PRKDC: variants seen among roughly 807,000 people sequenced by gnomAD.
PRKDC encodes the protein DNA-dependent protein kinase catalytic subunit.
Under a neutral mutation model 486.9 loss-of-function variants are expected in PRKDC, and 82 were observed. That is an observed-to-expected ratio of 0.17 (90% CI 0.14 to 0.20). PRKDC has a LOEUF of 0.20. Among genes scored for constraint, PRKDC ranks in the 10% least tolerant of loss-of-function variants. PRKDC has a pLI of 1.00. For missense variants in PRKDC, 4,504 were observed against 5,038.2 expected (o/e 0.89, Z 3.21); for synonymous variants, 1,895 against 1,837.0 (o/e 1.03, Z -0.81).
At chr8:47,837,508 A>C (rs971269749) in intron 56 of PRKDC, 89 bp from the exon 57 acceptor site, 3 of 992,480 alleles carry the variant, frequency 3.0e-6, no homozygotes, top group Non-Finnish European at 4.5e-6. Context: ...GAGAAGGCAC[A>C]GCTCTTCACC....
chr8:47,885,614 C>G (rs541782509), intron 36 of PRKDC, among the ~76,000 whole-genome samples: 1 of 151,248 alleles, frequency 6.6e-6, no homozygotes, highest in East Asian at 2.0e-4. Flanking sequence ...AAATATTGAC[C>G]GGGTGCAGTG....
At chr8:47,821,063 T>C (rs1351028752) in intron 65 of PRKDC, 120 bp from the exon 66 acceptor site, 3 of 588,574 alleles carry the variant, frequency 5.1e-6, no homozygotes, top group Admixed American at 7.3e-5. Flanking sequence ...GTCAAAGCGA[T>C]GATGTTTGAT....
chr8:47,836,661 T>C (rs1195162614), intron 57 of PRKDC, 134 bp from the exon 58 acceptor site: 8 of 820,376 alleles, frequency 9.8e-6, no homozygotes, highest in Non-Finnish European at 1.4e-5. Flanking sequence ...CATATGCAGC[T>C]GAAGAAGAAC....
At chr8:47,879,834 CTTTTTTTT>C (rs759336069) in intron 38 of PRKDC, among the ~76,000 whole-genome samples, 176 bp from the exon 39 acceptor site, 2 of 99,218 alleles carry the variant, frequency 2.0e-5, no homozygotes, top group African/African-American at 8.1e-5. Context: ...TATACCTCAG[CTTTTTTTT>C]TTTTTTTTTT....
intron 68 of PRKDC, among the ~76,000 whole-genome samples, chr8:47,809,226 T>C (rs572298167): frequency 1.3e-5 from 2 of 152,206 alleles, no homozygotes; most frequent in East Asian, 3.9e-4. Context: ...CTTTTTTTGT[T>C]ACTCCCAAGA....
chr8:47,891,428 G>T (rs1375471097), intron 31 of PRKDC, among the ~76,000 whole-genome samples: 1 of 152,086 alleles, frequency 6.6e-6, no homozygotes, highest in Non-Finnish European at 1.5e-5. Context: ...CTTATATTAA[G>T]AATTATTCTC....
chr8:47,884,102 C>T (rs1309928587), intron 36 of PRKDC, among the ~76,000 whole-genome samples: 1 of 152,254 alleles, frequency 6.6e-6, no homozygotes, highest in Non-Finnish European at 1.5e-5. Flanking sequence ...TAGGTTAGTA[C>T]TTAACTTTCC....
At chr8:47,848,607 A>G (rs2088328551) in intron 54 of PRKDC, among the ~76,000 whole-genome samples, 1 of 151,698 alleles carries the variant, frequency 6.6e-6, no homozygotes, top group Non-Finnish European at 1.5e-5. Context: ...TTCGTAACAA[A>G]CCTGCACTTG....
At chr8:47,868,569 TAATA>T (rs1285841018) in intron 40 of PRKDC, among the ~76,000 whole-genome samples, 8 of 151,796 alleles carry the variant, frequency 5.3e-5, no homozygotes, top group Non-Finnish European at 8.8e-5. Flanking sequence ...ATCTCAAAAA[TAATA>T]AATGAATGAA....
intron 68 of PRKDC, among the ~76,000 whole-genome samples, chr8:47,814,418 G>C (rs1487289814): frequency 1.3e-5 from 2 of 152,120 alleles, no homozygotes; most frequent in African/African-American, 4.8e-5. Flanking sequence ...AAGAAAGAAA[G>C]GTGGCTCTAT....
chr8:47,957,818 T>G (rs2090732954), intron 1 of PRKDC, among the ~76,000 whole-genome samples: 1 of 152,018 alleles, frequency 6.6e-6, no homozygotes, highest in African/African-American at 2.4e-5. Context: ...CTGGCCAAGG[T>G]TGCAACGGTT....
intron 59 of PRKDC, 24 bp from the exon 60 acceptor site, chr8:47,831,950 T>C (rs749552098): frequency 1.3e-6 from 2 of 1,595,666 alleles, no homozygotes; most frequent in Non-Finnish European, 1.7e-6. Context: ...GCAGGCCCAG[T>C]TACTCCCCGC....
At chr8:47,808,092 A>C (rs1177578193) in intron 68 of PRKDC, among the ~76,000 whole-genome samples, 1 of 152,198 alleles carries the variant, frequency 6.6e-6, no homozygotes, top group African/African-American at 2.4e-5. Context: ...ATATGTCCCA[A>C]CTTAAGGTGA....
Position 47,782,899 on chromosome 8 carries a change from T to G in PRKDC, c.11176-301A>C. 1 of 426,790 alleles carries G rather than the reference T, an allele frequency of 2.3e-6. No individual in the cohort carries two copies. Among genetic ancestry groups the G allele is most frequent in the Non-Finnish European group, 4.3e-6 (1 of 232,378 alleles). 26.4% of individuals were successfully genotyped at this position (426,790 alleles called of 1,614,324 possible). On this transcript the variant is annotated intron_variant, in intron 78 of 85. Transcript: ENST00000314191. The surrounding 1 kb of genome is among the most constrained non-coding windows in gnomAD (Gnocchi z 4.9). ...GTAAGCTAATGCTACACATATTTTA[T>G]AGTGGATACTCACACACAGCTTACT...
intron 11 of PRKDC, 83 bp from the exon 12 acceptor site, chr8:47,936,600 T>C (rs2090356788): frequency 1.9e-5 from 29 of 1,494,574 alleles, no homozygotes; most frequent in Non-Finnish European, 2.6e-5. Flanking sequence ...AGCCATGTGA[T>C]TATAAACACA....
intron 56 of PRKDC, among the ~76,000 whole-genome samples, 162 bp from the exon 57 acceptor site, chr8:47,837,581 T>C (rs2088055352): frequency 6.6e-6 from 1 of 152,148 alleles, no homozygotes; most frequent in Admixed American, 6.5e-5. Context: ...GTCTGAGTTA[T>C]GAAACATATC....
At chr8:47,931,770 G>A (rs2090258953) in intron 16 of PRKDC, among the ~76,000 whole-genome samples, 1 of 152,130 alleles carries the variant, frequency 6.6e-6, no homozygotes, top group African/African-American at 2.4e-5. Flanking sequence ...CACTGCAGTC[G>A]AAAGCAAGCA....
intron 38 of PRKDC, among the ~76,000 whole-genome samples, chr8:47,880,510 G>C (rs1388453813): frequency 6.6e-6 from 1 of 151,950 alleles, no homozygotes; most frequent in Non-Finnish European, 1.5e-5. Flanking sequence ...CCAGTAAAAA[G>C]GTCCCTTGAA....
intron 74 of PRKDC, among the ~76,000 whole-genome samples, chr8:47,792,729 A>G (rs1429730554): frequency 1.3e-5 from 2 of 152,170 alleles, no homozygotes; most frequent in East Asian, 3.8e-4. Context: ...CCCCATAAAC[A>G]TAGACACCTA....
Sources: allele counts gnomAD v4.1 joint callset (sites outside exome capture counted in the v4.1 genomes callset), GRCh38; gene constraint gnomAD v4.1.1; non-coding constraint Gnocchi (gnomAD v3.1); transcripts MANE v1.5; gene names NCBI Gene and HGNC (gene_info 2026-07-23, HGNC 2026-07-21).